ST3GAL6: variants seen among roughly 807,000 people sequenced by gnomAD.
ST3GAL6 encodes ST3 beta-galactoside alpha-2,3-sialyltransferase 6.
ST3GAL6 carries 31 observed loss-of-function variants against 40.5 expected under a neutral mutation model. The observed-to-expected ratio is 0.77, with a 90% CI of 0.58 to 1.03. The LOEUF (loss-of-function observed/expected upper bound fraction) is 1.03, where lower values mean the gene tolerates loss of function less well. Ranked by LOEUF, ST3GAL6 falls within the 50% of genes least tolerant of loss-of-function variation. ST3GAL6 has a pLI of 0.00. For synonymous variants in ST3GAL6, 129 were observed against 136.9 expected (o/e 0.94, Z 0.40); for missense variants, 357 against 393.2 (o/e 0.91, Z 0.78).
At chr3:98,733,024 G>A in intron 1 of ST3GAL6, 1 of 1,438,382 alleles carries the variant, frequency 7.0e-7, no homozygotes, top group Non-Finnish European at 9.1e-7. Flanking sequence ...GAGGGAAATT[G>A]GGGGTGCGGG....
chr3:98,735,771 C>T (rs1299780680), intron 1 of ST3GAL6, among the ~76,000 whole-genome samples: 1 of 152,060 alleles, frequency 6.6e-6, no homozygotes, highest in African/African-American at 2.4e-5. Context: ...TTGGAGTGAG[C>T]TTGATGCATG....
At chr3:98,740,453 C>T (rs1368995223) in intron 1 of ST3GAL6, among the ~76,000 whole-genome samples, 3 of 151,890 alleles carry the variant, frequency 2.0e-5, no homozygotes, top group Admixed American at 6.6e-5. Flanking sequence ...TCCTGTTTGA[C>T]GCTGTAGCCA....
chr3:98,738,978 A>G (rs998166110), intron 1 of ST3GAL6, among the ~76,000 whole-genome samples: 10 of 152,340 alleles, frequency 6.6e-5, no homozygotes, highest in South Asian at 6.2e-4. Context: ...CAAATTCAAA[A>G]AAACCAAAAT....
intron 9 of ST3GAL6, among the ~76,000 whole-genome samples, 180 bp from the exon 10 acceptor site, chr3:98,793,495 T>A (rs1199431074): frequency 6.6e-6 from 1 of 152,208 alleles, no homozygotes; most frequent in Non-Finnish European, 1.5e-5. Flanking sequence ...GGAAAGCTTT[T>A]GCACAAGAAC....
Position 98,755,912 on chromosome 3 carries a change from ATTC to A in ST3GAL6, c.-11-12512_-11-12510del, listed in dbSNP as rs146529280. On this transcript the variant is annotated intron_variant, in intron 1 of 9. Transcript: ENST00000265261. ...CCCTCACTTTCTTCTAGATATTTTT[ATTC>A]TTCTTGATCTCCTCCTCATTCTCCT... 7.0e-4 allele frequency among the ~76,000 whole-genome samples: 105 copies of A among 150,974 alleles called. 1 individual carries two copies. Among genetic ancestry groups the A allele is most frequent in the East Asian group, 4.7e-3 (24 of 5,144 alleles).
At chr3:98,791,212 G>A (rs1445411502) in intron 8 of ST3GAL6, among the ~76,000 whole-genome samples, 1 of 152,162 alleles carries the variant, frequency 6.6e-6, no homozygotes, top group African/African-American at 2.4e-5. Context: ...GAAAGAGGAT[G>A]CTTGGTTTTT....
At chr3:98,780,827 A>G (rs544244300) in intron 5 of ST3GAL6, among the ~76,000 whole-genome samples, 1 of 152,290 alleles carries the variant, frequency 6.6e-6, no homozygotes, top group Admixed American at 6.5e-5. Flanking sequence ...CTTGATGACC[A>G]TCTGTAACTC....
intron 1 of ST3GAL6, among the ~76,000 whole-genome samples, chr3:98,746,438 G>A (rs997064770): frequency 5.3e-5 from 8 of 151,860 alleles, no homozygotes; most frequent in Admixed American, 1.3e-4. Context: ...TGGGGATTGC[G>A]TACACTTCTG....
At chr3:98,736,673 A>G (rs828590) in intron 1 of ST3GAL6, among the ~76,000 whole-genome samples, 152,287 of 152,338 alleles carry the variant, frequency 1, 76,118 homozygotes, top group Non-Finnish European at 1. Flanking sequence ...CATTCACTGA[A>G]TGTCCACCAT....
rs542549317 is a variant in ST3GAL6 at position 98,771,948 on chromosome 3, A to G, written c.168-865A>G. ...TTTTTACCTTTACTACTCCAGATGTACTGTGTTCTGTTCCATTCACTTTTT... is the reference window on the plus strand; with the variant it reads ...TTTTTACCTTTACTACTCCAGATGTGCTGTGTTCTGTTCCATTCACTTTTT... On this transcript the variant is annotated intron_variant, in intron 3 of 9. Coordinates refer to ENST00000483910, the MANE Select transcript of ST3GAL6 (RefSeq NM_001323368.2). 7.9e-5 allele frequency among the ~76,000 whole-genome samples: 12 copies of G among 152,304 alleles called. No individual in the cohort carries two copies. The East Asian group carries it at 1.9e-3, about 24-fold the overall frequency.
chr3:98,732,882 G>T, intron 1 of ST3GAL6: 1 of 1,512,808 alleles, frequency 6.6e-7, no homozygotes, highest in South Asian at 1.2e-5. Flanking sequence ...GGCGCCGCGA[G>T]AGAGGCAGCA....
At chr3:98,738,638 T>C (rs926776647) in intron 1 of ST3GAL6, among the ~76,000 whole-genome samples, 1 of 152,146 alleles carries the variant, frequency 6.6e-6, no homozygotes, top group Non-Finnish European at 1.5e-5. Flanking sequence ...TACATAATGA[T>C]AAAGGGTTCA....
At chr3:98,773,082 T>A (rs1939165316) in intron 4 of ST3GAL6, 166 bp downstream of exon 4, 1 of 491,366 alleles carries the variant, frequency 2.0e-6, no homozygotes, top group Non-Finnish European at 3.6e-6. Flanking sequence ...AAATATAAAT[T>A]ATCACTCCTT....
chr3:98,782,342 G>C, intron 5 of ST3GAL6: 3 of 700,532 alleles, frequency 4.3e-6, no homozygotes, highest in Non-Finnish European at 5.2e-6. Context: ...TGTAATTACA[G>C]CCATTGATAG....
At chr3:98,734,073 C>G (rs151080113) in intron 1 of ST3GAL6, among the ~76,000 whole-genome samples, 2 of 152,146 alleles carry the variant, frequency 1.3e-5, no homozygotes, top group African/African-American at 2.4e-5. Flanking sequence ...ACCTTTGAAC[C>G]TCGTAACTCT....
chr3:98,791,830 C>A lies in ST3GAL6; in HGVS notation c.757-11C>A. The A allele has an allele frequency of 6.3e-7, 1 of 1,588,590 alleles. No individual in the cohort carries two copies. The highest frequency in any genetic ancestry group is 1.8e-5 in the Admixed American group (1 of 56,444). On this transcript the variant is annotated splice_polypyrimidine_tract_variant and intron_variant, in intron 8 of 9. Transcript: ENST00000483910. ...TTTGCTTAAAAAAGTTTTTTTCATCCCCTCCCCCAGAAACCTAAACACCCA... is the reference window on the plus strand; with the variant it reads ...TTTGCTTAAAAAAGTTTTTTTCATCACCTCCCCCAGAAACCTAAACACCCA...
upstream of ST3GAL6, chr3:98,762,950 G>A: frequency 2.0e-6 from 2 of 985,440 alleles, no homozygotes; most frequent in South Asian, 9.4e-5. Flanking sequence ...CGCTGCCAGA[G>A]GTTGTAGATC....
chr3:98,741,201 C>T (rs775499574), intron 1 of ST3GAL6, among the ~76,000 whole-genome samples: 51 of 151,696 alleles, frequency 3.4e-4, no homozygotes, highest in African/African-American at 4.4e-4. Flanking sequence ...CCGTTCTCTC[C>T]GAATGTTCTT....
chr3:98,757,677 G>A lies in ST3GAL6; in HGVS notation c.-11-10753G>A, dbSNP rs574099324. Among the ~76,000 whole-genome samples the A allele has an allele frequency of 2.1e-3, 314 of 152,266 alleles. 1 individual carries two copies. Among genetic ancestry groups the A allele is most frequent in the Non-Finnish European group, 3.7e-3 (253 of 68,016 alleles). On this transcript the variant is annotated intron_variant, in intron 1 of 9. Transcript: ENST00000265261. ...CACTTTTGATTTGGGTATCCCGGGG[G>A]AAGTTATAACTTCTCTGTGCTTTGG...
Sources: gnomAD v4.1 joint callset for allele counts (sites outside exome capture counted in the v4.1 genomes callset) on GRCh38, gnomAD v4.1.1 for gene constraint, MANE v1.5 for transcripts, NCBI Gene and HGNC (gene_info 2026-07-23, HGNC 2026-07-21) for gene names.